Variants in OPRK1 observed in about 807,000 individuals in gnomAD.
OPRK1 encodes opioid receptor kappa 1.
A neutral mutation model predicts 24.5 loss-of-function variants in OPRK1; 15 were observed. That is an observed-to-expected ratio of 0.61 (90% CI 0.41 to 0.94). OPRK1 has a LOEUF of 0.94. Among genes scored for constraint, OPRK1 ranks in the 40% least tolerant of loss-of-function variants. The pLI, the probability that OPRK1 is intolerant of heterozygous loss-of-function variation, is 0.00. For missense variants in OPRK1, 479 were observed against 507.3 expected, an observed-to-expected ratio of 0.94 and a Z score of 0.54; for synonymous variants, 205 against 198.0, an observed-to-expected ratio of 1.04 and a Z score of -0.30.
At chr8:53,248,393 T>C (rs920900135) in intron 2 of OPRK1, among the ~76,000 whole-genome samples, 14 of 152,224 alleles carry the variant, frequency 9.2e-5, no homozygotes, top group Non-Finnish European at 1.8e-4. Flanking sequence ...GGTTGAACTA[T>C]GCTAGGAGCC....
intron 2 of OPRK1, among the ~76,000 whole-genome samples, chr8:53,240,853 C>A (rs779000934): frequency 4.6e-5 from 7 of 152,146 alleles, no homozygotes; most frequent in Non-Finnish European, 8.8e-5. Context: ...CCAATACACA[C>A]CATACATGCA....
At chr8:53,233,706 G>C (rs1221737100) in intron 3 of OPRK1, among the ~76,000 whole-genome samples, 1 of 152,140 alleles carries the variant, frequency 6.6e-6, no homozygotes, top group Admixed American at 6.5e-5. Flanking sequence ...AAAACTCCTA[G>C]AACAGTACCT....
rs765902923 is a variant in OPRK1 at position 53,229,619 on chromosome 8, C to T, written c.821G>A (p.Arg274Lys). Residue 274 changes from arginine to lysine, a missense_variant, in exon 4 of 4, where the codon AGA becomes AAA. Physicochemically the swap from Arg to Lys is conservative, Grantham distance 26. Coordinates refer to ENST00000265572, the MANE Select transcript of OPRK1 (RefSeq NM_000912.5). Reference protein sequence around the residue: ...EKDRNLRRITRLVLVVVAVFV... With the variant: ...EKDRNLRRITKLVLVVVAVFV... ...GACTGCCACCACCACCAGGACCAGT[C>T]TGGTGATCCTACGCAGGTTGCGATC... The T allele has an allele frequency of 2.5e-6, 4 of 1,613,970 alleles. No individual in the cohort carries two copies. In the African/African-American group the frequency reaches 4.0e-5, roughly 16 times the overall value.
chr8:53,245,839 G>A (rs554820764), intron 2 of OPRK1, among the ~76,000 whole-genome samples: 15 of 152,270 alleles, frequency 9.9e-5, no homozygotes, highest in Non-Finnish European at 1.9e-4. Flanking sequence ...ACCATCCTAT[G>A]TAATCTGAAA....
rs2128808577 is a variant in OPRK1 at position 53,234,847 on chromosome 8, C to T, written c.522G>A (p.Lys174=). Residue 174 remains lysine, a synonymous_variant, in exon 3 of 4, where the codon AAG becomes AAA. Coordinates refer to ENST00000265572, the MANE Select transcript of OPRK1 (RefSeq NM_000912.5). ...VKALDFRTPL[K]AKIINICIWL... is the part of the protein sequence containing the mutation. ...AGATGCAGATATTGATGATCTTTGC[C>T]TTCAAGGGTGTGCGGAAGTCCAAAG... The T allele has an allele frequency of 6.2e-7, 1 of 1,614,192 alleles. No individual in the cohort carries two copies. The highest frequency in any genetic ancestry group is 8.5e-7 in the Non-Finnish European group (1 of 1,180,056).
chr8:53,241,573 A>G (rs1406388503), intron 2 of OPRK1, among the ~76,000 whole-genome samples: 1 of 152,138 alleles, frequency 6.6e-6, no homozygotes, highest in Non-Finnish European at 1.5e-5. Context: ...AAGAAAGGAA[A>G]AATGGAAGGA....
chr8:53,242,243 C>G (rs998634457), intron 2 of OPRK1, among the ~76,000 whole-genome samples: 2 of 152,194 alleles, frequency 1.3e-5, no homozygotes, highest in East Asian at 3.9e-4. Context: ...CTCCACTGGA[C>G]AGGAAGCAAC....
intron 2 of OPRK1, chr8:53,238,734 A>C: frequency 1.0e-6 from 1 of 985,084 alleles, no homozygotes; most frequent in Non-Finnish European, 1.2e-6. Flanking sequence ...CTGAGATGTC[A>C]GGAACCAGTG....
chr8:53,239,469 G>T (rs1166369596), intron 2 of OPRK1, among the ~76,000 whole-genome samples: 4 of 152,300 alleles, frequency 2.6e-5, no homozygotes, highest in South Asian at 4.1e-4. Flanking sequence ...ATGAGGAAAT[G>T]GATTTCCTGG....
Position 53,234,972 on chromosome 8 carries a change from T to C in OPRK1, c.397A>G (p.Ile133Val). 6 of 1,614,194 alleles carry C rather than the reference T, an allele frequency of 3.7e-6. No homozygotes were observed. The highest frequency in any genetic ancestry group is 5.1e-6 in the Non-Finnish European group (6 of 1,180,042). ...SWPFGDVLCKIVISIDYYNMF... is the reference protein window; with the variant it reads ...SWPFGDVLCKVVISIDYYNMF... ...TTGTAGTAATCAATGGAAATTACTA[T>C]CTTGCACAGCACATCCCCAAAAGGC... Residue 133 changes from isoleucine to valine, a missense_variant, in exon 3 of 4, where the codon ATA (isoleucine) becomes GTA (valine). Ile to Val is a conservative substitution (Grantham distance 29, BLOSUM62 3). Coordinates refer to ENST00000265572, the MANE Select transcript of OPRK1 (RefSeq NM_000912.5).
chr8:53,250,757 G>A (rs778557038), intron 2 of OPRK1, 24 bp downstream of exon 2: 1 of 1,586,202 alleles, frequency 6.3e-7, no homozygotes, highest in Non-Finnish European at 8.6e-7. Flanking sequence ...CCAGCCCCCA[G>A]CGCTGCGCTG....
intron 3 of OPRK1, among the ~76,000 whole-genome samples, chr8:53,233,045 C>T (rs1236473565): frequency 6.6e-6 from 1 of 152,084 alleles, no homozygotes; most frequent in Admixed American, 6.5e-5. Context: ...TTTTGAAATG[C>T]AAATATGATA....
At position 53,226,824 on chromosome 8, in the gene OPRK1, C is replaced by A. The variant is rs1806703046; in HGVS notation, c.*2473G>T. The A allele has an allele frequency of 6.6e-6, 1 of 152,178 alleles. No homozygotes were observed. Among genetic ancestry groups the A allele is most frequent in the African/African-American group, 2.4e-5 (1 of 41,442 alleles). 9.4% of individuals were successfully genotyped at this position (152,178 alleles called of 1,614,324 possible). On this transcript the variant is annotated 3_prime_UTR_variant, in exon 4 of 4. Coordinates refer to ENST00000265572, the MANE Select transcript of OPRK1 (RefSeq NM_000912.5). ...TTGGGGAGTCGATATTAACAAGAAT[C>A]AAGAAGCTTGGACACCCCTTGTGGG... is the stretch of plus-strand genomic sequence containing the variant.
Position 53,228,327 on chromosome 8 carries a change from CAT to C in OPRK1, c.*968_*969del, listed in dbSNP as rs1425684377. Reference sequence around the variant, plus strand: ...TTAAAGCCTTTGTGATTCATTAGCACATGAGTTGTGAGCACTGTTACGGGACT... The same window carrying C: ...TTAAAGCCTTTGTGATTCATTAGCACGAGTTGTGAGCACTGTTACGGGACT... On this transcript the variant is annotated 3_prime_UTR_variant, in exon 4 of 4. Transcript: ENST00000265572. The C allele has an allele frequency of 2.6e-5, 4 of 152,326 alleles. No homozygotes were observed. The highest frequency in any genetic ancestry group is 6.5e-5 in the Admixed American group (1 of 15,304). 9.4% of individuals were successfully genotyped at this position (152,326 alleles called of 1,614,324 possible).
rs370445740 is a variant in OPRK1, at chr8:53,250,102, A to ACAC, written c.257+678_257+679insGTG. On this transcript the variant is annotated intron_variant, in intron 2 of 3. Transcript: ENST00000265572. ...ACACACACACACACACACACACACA[A>ACAC]ATAAAACCTTCAATTTCTCATGGTG... 1.8e-3 allele frequency among the ~76,000 whole-genome samples: 261 copies of ACAC among 144,744 alleles called. 4 individuals carry two copies. In the East Asian group the frequency reaches 0.027, roughly 15 times the overall value. 95.0% of individuals were successfully genotyped at this position (144,744 alleles called of 152,430 possible). A position where few individuals can be genotyped will look rare whatever the true frequency, so the allele number is the denominator to read the frequency against.
intron 3 of OPRK1, among the ~76,000 whole-genome samples, chr8:53,232,261 G>C (rs1806872899): frequency 1.3e-5 from 2 of 152,022 alleles, no homozygotes; most frequent in South Asian, 4.2e-4. Context: ...GTGGGGAGGG[G>C]GATATACAGG....
At chr8:53,239,847 A>G (rs1458188847) in intron 2 of OPRK1, among the ~76,000 whole-genome samples, 4 of 152,218 alleles carry the variant, frequency 2.6e-5, no homozygotes, top group African/African-American at 9.7e-5. Flanking sequence ...CTGAAGAGAA[A>G]AAGTTTGAGA....
rs1336730702 is a variant in OPRK1 at position 53,227,429 on chromosome 8, G to C, written c.*1868C>G. On this transcript the variant is annotated 3_prime_UTR_variant, in exon 4 of 4. Coordinates refer to ENST00000265572, the MANE Select transcript of OPRK1 (RefSeq NM_000912.5). ...AGTTTTTATATTTCCTATTTCACCA[G>C]GGCTTGTTTCTGGAACTATCCTCTA... is the stretch of plus-strand genomic sequence containing the variant. 1 of 152,076 alleles carries C rather than the reference G, an allele frequency of 6.6e-6. No individual in the cohort carries two copies. The allele number at this position is 152,076 out of a possible 1,614,324, so 9.4% of individuals were successfully genotyped here. A position where few individuals can be genotyped will look rare whatever the true frequency, so the allele number is the denominator to read the frequency against.
intron 3 of OPRK1, among the ~76,000 whole-genome samples, chr8:53,230,166 T>C (rs1211920457): frequency 1.3e-5 from 2 of 151,924 alleles, no homozygotes; most frequent in Non-Finnish European, 2.9e-5. Flanking sequence ...ATGTATACCA[T>C]GAGTACTTAT....
Sources: gnomAD v4.1 joint callset for allele counts (sites outside exome capture counted in the v4.1 genomes callset) on GRCh38, gnomAD v4.1.1 for gene constraint, MANE v1.5 for transcripts, NCBI Gene and HGNC (gene_info 2026-07-23, HGNC 2026-07-21) for gene names.